Variants in TBC1D32 observed in about 807,000 individuals in gnomAD.
TBC1D32 encodes the protein TBC1 domain family member 32, also known as protein broad-minded.
In TBC1D32, 151 loss-of-function variants were observed where a neutral mutation model predicts 170.3. That is an observed-to-expected ratio of 0.89 (90% CI 0.78 to 1.01). The LOEUF (loss-of-function observed/expected upper bound fraction) is 1.01, where lower values mean the gene tolerates loss of function less well. Ranked by LOEUF, TBC1D32 falls within the 50% of genes least tolerant of loss-of-function variation. The pLI is 0.00. For missense variants in TBC1D32, 1,464 were observed against 1,457.1 expected (o/e 1.00, Z -0.08); for synonymous variants, 498 against 488.0 (o/e 1.02, Z -0.27).
At chr6:121,253,185 T>C (rs1798517548) in intron 17 of TBC1D32, among the ~76,000 whole-genome samples, 1 of 151,884 alleles carries the variant, frequency 6.6e-6, no homozygotes, top group South Asian at 2.1e-4. Flanking sequence ...GGAGAAAATA[T>C]TCACAAACTA....
At chr6:121,177,467 A>G (rs538301120) in intron 22 of TBC1D32, among the ~76,000 whole-genome samples, 65 of 152,264 alleles carry the variant, frequency 4.3e-4, no homozygotes, top group African/African-American at 1.5e-3. Flanking sequence ...AGTCTGCAGA[A>G]CCATGAGCCA....
intron 3 of TBC1D32, among the ~76,000 whole-genome samples, chr6:121,311,164 C>T (rs1808134670): frequency 6.6e-6 from 1 of 152,012 alleles, no homozygotes; most frequent in Non-Finnish European, 1.5e-5. Flanking sequence ...ATGAATGAAA[C>T]AGACATAAAC....
intron 15 of TBC1D32, among the ~76,000 whole-genome samples, chr6:121,268,364 G>A (rs1036220169): frequency 6.6e-6 from 1 of 152,096 alleles, no homozygotes; most frequent in African/African-American, 2.4e-5. Context: ...AAAATCTTCA[G>A]AAAAGATTAG....
intron 22 of TBC1D32, among the ~76,000 whole-genome samples, chr6:121,176,694 G>A (rs1346963050): frequency 2.0e-5 from 3 of 151,916 alleles, no homozygotes; most frequent in South Asian, 2.1e-4. Context: ...CACCTCCCAG[G>A]TTTAAGCAAT....
chr6:121,156,743 T>C (rs1784942788), intron 24 of TBC1D32, among the ~76,000 whole-genome samples: 1 of 152,088 alleles, frequency 6.6e-6, no homozygotes, highest in Non-Finnish European at 1.5e-5. Flanking sequence ...AAAGAAAGTT[T>C]TTATTTCTGA....
chr6:121,119,754 A>G lies in TBC1D32; in HGVS notation c.2984-4513T>C, dbSNP rs143961757. Among the ~76,000 whole-genome samples, 622 of 152,248 alleles carry G rather than the reference A, an allele frequency of 4.1e-3. 9 individuals are homozygous for G. The highest frequency in any genetic ancestry group is 0.014 in the African/African-American group (594 of 41,544). ...CTTTCCTCTTTCTTTAAAGGGATAA[A>G]CAGCCAAACTAATTTGATTTTTCCA... On this transcript the variant is annotated intron_variant, in intron 26 of 31. Coordinates refer to ENST00000398212, the MANE Select transcript of TBC1D32 (RefSeq NM_152730.6).
upstream of TBC1D32, chr6:121,334,635 C>G (rs1298831075): frequency 3.3e-6 from 2 of 613,940 alleles, no homozygotes; most frequent in Non-Finnish European, 5.7e-6. Flanking sequence ...AAGCAGGGGT[C>G]CGCGAGGTCT....
chr6:121,154,392 G>C (rs1784607713), intron 24 of TBC1D32, among the ~76,000 whole-genome samples: 1 of 152,166 alleles, frequency 6.6e-6, no homozygotes, highest in Non-Finnish European at 1.5e-5. Flanking sequence ...CCCGCCTTCT[G>C]CATTGGTCTC....
intron 24 of TBC1D32, among the ~76,000 whole-genome samples, chr6:121,147,912 G>C (rs1350755222): frequency 3.8e-5 from 4 of 104,988 alleles, no homozygotes; most frequent in Non-Finnish European, 8.7e-5. Context: ...TTTGTAACTT[G>C]TATGTCTTTT....
chr6:121,104,241 G>A (rs407630), intron 30 of TBC1D32, among the ~76,000 whole-genome samples: 93,240 of 151,588 alleles, frequency 0.62, 31,964 homozygotes, highest in East Asian at 0.98. Context: ...CTATTAAGAA[G>A]TCTATTACTG....
At chr6:121,133,541 C>T (rs1300562854) in intron 24 of TBC1D32, among the ~76,000 whole-genome samples, 1 of 151,876 alleles carries the variant, frequency 6.6e-6, no homozygotes, top group Non-Finnish European at 1.5e-5. Context: ...TGTTATTTAG[C>T]CCTAAGAAAA....
chr6:121,232,121 T>C (rs987598439), intron 20 of TBC1D32, among the ~76,000 whole-genome samples: 3 of 152,148 alleles, frequency 2.0e-5, no homozygotes, highest in Admixed American at 1.3e-4. Context: ...GAGATGAGGA[T>C]CCAGTTTCAT....
intron 30 of TBC1D32, among the ~76,000 whole-genome samples, chr6:121,103,971 T>TA (rs1183204583): frequency 6.6e-6 from 1 of 151,940 alleles, no homozygotes; most frequent in African/African-American, 2.4e-5. Flanking sequence ...GTTTTAGGTA[T>TA]ATATAGCAAG....
chr6:121,154,055 A>T (rs893276968), intron 24 of TBC1D32, among the ~76,000 whole-genome samples: 2 of 146,328 alleles, frequency 1.4e-5, no homozygotes, highest in Non-Finnish European at 3.0e-5. Flanking sequence ...AAAAAAAAAA[A>T]CCTCCTGCAC....
chr6:121,117,708 A>T (rs1398101372), intron 26 of TBC1D32, among the ~76,000 whole-genome samples: 2 of 152,136 alleles, frequency 1.3e-5, no homozygotes, highest in Non-Finnish European at 2.9e-5. Context: ...TCTCAAAAAA[A>T]CAAAAACAAA....
chr6:121,291,109 C>G (rs1009685603), intron 12 of TBC1D32, among the ~76,000 whole-genome samples: 6 of 151,822 alleles, frequency 4.0e-5, no homozygotes, highest in Non-Finnish European at 1.5e-5. Flanking sequence ...TGTAACTAAC[C>G]TGCACGTTGT....
At chr6:121,112,966 C>A (rs1779337490) in intron 28 of TBC1D32, 96 bp downstream of exon 28, 3 of 844,936 alleles carry the variant, frequency 3.6e-6, no homozygotes, top group Admixed American at 2.5e-5. Flanking sequence ...GCTTAAAGTA[C>A]TACTTTACTA....
At chr6:121,297,656 T>C (rs183739223) in intron 10 of TBC1D32, among the ~76,000 whole-genome samples, 2 of 152,120 alleles carry the variant, frequency 1.3e-5, no homozygotes, top group Non-Finnish European at 2.9e-5. Context: ...TATACAAAAA[T>C]TGATAGCTTA....
chr6:121,107,436 C>A (rs1438955346), intron 29 of TBC1D32, among the ~76,000 whole-genome samples: 2 of 151,642 alleles, frequency 1.3e-5, no homozygotes, highest in Non-Finnish European at 3.0e-5. Context: ...CCAGGAGATA[C>A]CTCACAGCAC....
Sources: gnomAD v4.1 joint callset for allele counts (sites outside exome capture counted in the v4.1 genomes callset) on GRCh38, gnomAD v4.1.1 for gene constraint, MANE v1.5 for transcripts, NCBI Gene and HGNC (gene_info 2026-07-23, HGNC 2026-07-21) for gene names.